RAD52: variants seen among roughly 807,000 people sequenced by gnomAD.
RAD52 encodes DNA repair protein RAD52 homolog.
In RAD52, 47 loss-of-function variants were observed where a neutral mutation model predicts 55.5. The ratio of observed to expected loss-of-function variants is 0.85; its 90% confidence interval spans 0.67 to 1.08. The LOEUF (loss-of-function observed/expected upper bound fraction) is 1.08, where lower values mean the gene tolerates loss of function less well. Ranked by LOEUF, RAD52 falls within the 50% of genes least tolerant of loss-of-function variation. The pLI is 0.00. For missense variants in RAD52, 468 were observed against 522.8 expected (o/e 0.90, Z 1.02); for synonymous variants, 184 against 198.9 (o/e 0.92, Z 0.63).
At chr12:967,824 T>C (rs926309600) in intron 1 of RAD52, among the ~76,000 whole-genome samples, 3 of 152,020 alleles carry the variant, frequency 2.0e-5, no homozygotes, top group Non-Finnish European at 4.4e-5. Flanking sequence ...TAGTCCCAGC[T>C]ATTTGAGAGG....
At chr12:926,927 T>A in intron 6 of RAD52, 1 of 1,537,320 alleles carries the variant, frequency 6.5e-7, no homozygotes. Context: ...ATTCTACCAC[T>A]TACTCCCAGC....
Position 973,779 on chromosome 12 carries a change from C to CTTTTTTTTTTTTT in RAD52, c.-19+16029_-19+16030insAAAAAAAAAAAAA, listed in dbSNP as rs1401411600. The stretch of plus-strand genomic sequence containing the variant: ...CAGGCATGAGCCACCACGCCCAGTC[C>CTTTTTTTTTTTTT]TTCTTTTTTTTTTTTTTTTTTTTTT... On this transcript the variant is annotated intron_variant, in intron 1 of 11. Coordinates refer to the RAD52 transcript ENST00000430095. Among the ~76,000 whole-genome samples, 132 of 136,844 alleles carry CTTTTTTTTTTTTT rather than the reference C, an allele frequency of 9.6e-4. 3 individuals are homozygous for CTTTTTTTTTTTTT. The highest frequency in any genetic ancestry group is 3.0e-3 in the African/African-American group (100 of 33,164). 89.8% of individuals were successfully genotyped at this position (136,844 alleles called of 152,430 possible).
In RAD52 at chr12:933,047, A is replaced by T. The variant is rs1375931783; in HGVS notation, c.12T>A (p.Thr4=). ...CACGTCCTCCAAGAATTGCTTCCTC[A>T]GTCCCAGACATCTTGATTCTGGTTG... MSG[T]EEAILGGRDS... is the part of the protein sequence containing the mutation. The change falls in exon 2 of 12, where the codon ACT becomes ACA. Residue 4 remains threonine (T), a synonymous_variant. Transcript: ENST00000358495. The T allele has an allele frequency of 1.2e-5, 20 of 1,613,704 alleles. No homozygotes were observed. Among genetic ancestry groups the T allele is most frequent in the Non-Finnish European group, 1.5e-5 (18 of 1,179,904 alleles).
At chr12:972,021 C>G (rs1330192327) in intron 1 of RAD52, among the ~76,000 whole-genome samples, 1 of 152,044 alleles carries the variant, frequency 6.6e-6, no homozygotes, top group Non-Finnish European at 1.5e-5. Context: ...GTACCTTTAC[C>G]TTTTGATTTA....
upstream of RAD52, among the ~76,000 whole-genome samples, chr12:990,805 G>C (rs539559509): frequency 1.3e-5 from 2 of 152,040 alleles, no homozygotes; most frequent in African/African-American, 4.8e-5. Flanking sequence ...GCGCCGCTTA[G>C]GTTTGGGAAG....
At chr12:923,699 T>C (rs1956861840) in intron 7 of RAD52, among the ~76,000 whole-genome samples, 1 of 151,858 alleles carries the variant, frequency 6.6e-6, no homozygotes, top group African/African-American at 2.4e-5. Context: ...ACAATGGGAA[T>C]ACACTTAACA....
Position 984,417 on chromosome 12 carries a change from C to T in RAD52, c.-19+5392G>A, listed in dbSNP as rs138055208. Among the ~76,000 whole-genome samples the T allele has an allele frequency of 9.8e-4, 149 of 152,174 alleles. 1 individual carries two copies. The East Asian group carries it at 0.017, about 18-fold the overall frequency. ...TTCGCCATATTGGCCAGGTTGGTCTCGAACTCCTGACCTCAGGTGATCCAC... is the reference window on the plus strand; with the variant it reads ...TTCGCCATATTGGCCAGGTTGGTCTTGAACTCCTGACCTCAGGTGATCCAC... On this transcript the variant is annotated intron_variant, in intron 1 of 11. Coordinates refer to the RAD52 transcript ENST00000430095.
intron 7 of RAD52, among the ~76,000 whole-genome samples, chr12:922,700 G>A (rs1956802552): frequency 6.6e-6 from 1 of 152,158 alleles, no homozygotes; most frequent in African/African-American, 2.4e-5. Flanking sequence ...ACAGAAAGTA[G>A]ACACATATAC....
At chr12:950,694 T>G (rs1439245293), upstream of RAD52, among the ~76,000 whole-genome samples, 2 of 151,986 alleles carry the variant, frequency 1.3e-5, no homozygotes, top group Non-Finnish European at 2.9e-5. Flanking sequence ...ATTACAGGTA[T>G]GAGCCACTGC....
At chr12:962,333 G>A (rs1046178600) in intron 1 of RAD52, among the ~76,000 whole-genome samples, 4 of 57,382 alleles carry the variant, frequency 7.0e-5, no homozygotes, top group Non-Finnish European at 9.8e-5. Flanking sequence ...CATCTGCCAC[G>A]CTTTCTTTCC....
Position 931,007 on chromosome 12 carries a change from T to C in RAD52, c.186+213A>G, listed in dbSNP as rs1201222462. 2.0e-5 allele frequency among the ~76,000 whole-genome samples: 3 copies of C among 151,792 alleles called. No homozygotes were observed. In the East Asian group the frequency reaches 5.8e-4, roughly 29 times the overall value. The stretch of plus-strand genomic sequence containing the variant: ...AAAAAAAAAGATGATGTAAAAATCT[T>C]AAGACGGCGGTTATGCGAGTGTCAA... On this transcript the variant is annotated intron_variant, in intron 3 of 11. Coordinates refer to ENST00000358495, the MANE Select transcript of RAD52 (RefSeq NM_134424.4).
In RAD52 at chr12:912,752, A is replaced by AAAAAAAAC. The variant is rs1956166414; in HGVS notation, c.*638_*639insGTTTTTTT. Reference sequence around the variant, plus strand: ...AAAAAAAAAAAAAAAAAAACAAAAAACAGCCTTTTTTCGTGGTCTTAGATG... The same window carrying AAAAAAAAC: ...AAAAAAAAAAAAAAAAAAACAAAAAAAAAAAAACCAGCCTTTTTTCGTGGTCTTAGATG... On this transcript the variant is annotated 3_prime_UTR_variant, in exon 12 of 12. Transcript: ENST00000358495. 1.2e-5 allele frequency: 2 copies of AAAAAAAAC among 171,424 alleles called. No individual in the cohort carries two copies. Among genetic ancestry groups the AAAAAAAAC allele is most frequent in the East Asian group, 1.0e-4 (1 of 9,728 alleles). 10.6% of individuals were successfully genotyped at this position (171,424 alleles called of 1,614,324 possible). A position where few individuals can be genotyped will look rare whatever the true frequency, so the allele number is the denominator to read the frequency against.
rs376086818 is a variant in RAD52 at position 919,977 on chromosome 12, G to A, written c.544-3157C>T. Among the ~76,000 whole-genome samples, 2 of 114,546 alleles carry A rather than the reference G, an allele frequency of 1.7e-5. 1 individual carries two copies. The highest frequency in any genetic ancestry group is 4.6e-4 in the East Asian group (2 of 4,330). 75.1% of individuals were successfully genotyped at this position (114,546 alleles called of 152,430 possible). The stretch of plus-strand genomic sequence containing the variant: ...TGAGGTAGAAGAATTGCCTGAACCT[G>A]GGAGGCAGAGATGGCAGTGAGCCGA... On this transcript the variant is annotated intron_variant, in intron 7 of 11. Coordinates refer to ENST00000358495, the MANE Select transcript of RAD52 (RefSeq NM_134424.4).
chr12:970,922 G>C (rs1421058049), intron 1 of RAD52, among the ~76,000 whole-genome samples: 1 of 147,912 alleles, frequency 6.8e-6, no homozygotes, highest in African/African-American at 2.6e-5. Context: ...TACGTAGAGA[G>C]AGAGAGACAG....
Position 916,450 on chromosome 12 carries a change from G to C in RAD52, c.759C>G (p.Ala253=). ...TCTGCCGGAGCTTCCGCTGGTGCGTGGCCTCGCTCTCCACGGCGGATGAGC... is the reference window on the plus strand; with the variant it reads ...TCTGCCGGAGCTTCCGCTGGTGCGTCGCCTCGCTCTCCACGGCGGATGAGC... ...SLSSSAVESE[A]THQRKLRQKQ... Residue 253 remains alanine (A), a synonymous_variant, in exon 9 of 12, where the codon GCC becomes GCG. Coordinates refer to ENST00000358495, the MANE Select transcript of RAD52 (RefSeq NM_134424.4). 6.2e-7 allele frequency: 1 copy of C among 1,607,426 alleles called. No individual in the cohort carries two copies. Among genetic ancestry groups the C allele is most frequent in the Non-Finnish European group, 8.5e-7 (1 of 1,179,276 alleles).
At position 967,885 on chromosome 12, in the gene RAD52, G is replaced by A. The variant is rs1331355909; in HGVS notation, c.-19+21924C>T. On this transcript the variant is annotated intron_variant, in intron 1 of 11. Transcript: ENST00000430095. ...CAGGAGGGGGAGGTTGCAGTGAGCC[G>A]AGATCGCACCTCTGCTCTCCAGCCT... Among the ~76,000 whole-genome samples, 6 of 152,062 alleles carry A rather than the reference G, an allele frequency of 3.9e-5. 1 individual carries two copies. The highest frequency in any genetic ancestry group is 1.2e-4 in the African/African-American group (5 of 41,348).
chr12:950,299 T>C (rs12296848), upstream of RAD52, among the ~76,000 whole-genome samples: 78 of 152,122 alleles, frequency 5.1e-4, no homozygotes, highest in African/African-American at 1.8e-3. Context: ...GGGCCGGGCG[T>C]GGTGGCTCAG....
At chr12:941,414 G>A (rs758032589) in intron 1 of RAD52, among the ~76,000 whole-genome samples, 15 of 151,654 alleles carry the variant, frequency 9.9e-5, no homozygotes, top group Non-Finnish European at 1.5e-4. Flanking sequence ...TGCCTCCCAG[G>A]TTCAAGTGAT....
At chr12:922,191 T>TAAAAAAAAAAAA (rs79763100) in intron 7 of RAD52, among the ~76,000 whole-genome samples, 4 of 81,690 alleles carry the variant, frequency 4.9e-5, no homozygotes, top group Admixed American at 1.5e-4. Flanking sequence ...TAGGTTGGCT[T>TAAAAAAAAAAAA]AAAAAAAAAA....
Sources: gnomAD v4.1 joint callset for allele counts (sites outside exome capture counted in the v4.1 genomes callset) on GRCh38, gnomAD v4.1.1 for gene constraint, MANE v1.5 for transcripts, NCBI Gene and HGNC (gene_info 2026-07-23, HGNC 2026-07-21) for gene names.